Variants in POMZP3 observed in about 807,000 individuals in gnomAD.
POMZP3 encodes the protein POM121 and ZP3 fusion.
Under a neutral mutation model 19.8 loss-of-function variants are expected in POMZP3, and 10 were observed. The ratio of observed to expected loss-of-function variants is 0.51; its 90% confidence interval spans 0.31 to 0.86. The LOEUF is 0.86. Ranked by LOEUF, POMZP3 falls within the 40% of genes least tolerant of loss-of-function variation. The pLI, the probability that POMZP3 is intolerant of heterozygous loss-of-function variation, is 0.04. For missense variants in POMZP3, 152 were observed against 228.1 expected (o/e 0.67, Z 2.15); for synonymous variants, 57 against 85.8 (o/e 0.66, Z 1.85).
intron 3 of POMZP3, among the ~76,000 whole-genome samples, chr7:76,622,061 T>C (rs1208857209): frequency 1.5e-4 from 21 of 144,088 alleles, no homozygotes; most frequent in African/African-American, 5.4e-4. Context: ...ACTGCTACAC[T>C]CCCACCAGCT....
At chr7:76,622,909 T>C (rs2116877108) in intron 3 of POMZP3, among the ~76,000 whole-genome samples, 1 of 152,034 alleles carries the variant, frequency 6.6e-6, no homozygotes, top group Middle Eastern at 3.4e-3. Context: ...TCTTGCTCTG[T>C]TGCCCTGGCG....
In POMZP3 at chr7:76,610,175, G is replaced by A. The variant is rs1815020320; in HGVS notation, c.*52C>T. On this transcript the variant is annotated 3_prime_UTR_variant, in exon 7 of 7. Transcript: ENST00000310842. ...CTTCATGGTCACCCCTCCTGTCCAGGAAGATCAGTGGCCCCACGGTGACAT... is the reference window on the plus strand; with the variant it reads ...CTTCATGGTCACCCCTCCTGTCCAGAAAGATCAGTGGCCCCACGGTGACAT... The A allele has an allele frequency of 6.4e-7, 1 of 1,559,054 alleles. No homozygotes were observed. The highest frequency in any genetic ancestry group is 8.7e-7 in the Non-Finnish European group (1 of 1,154,932).
chr7:76,623,980 G>T (rs1172713649), intron 3 of POMZP3, among the ~76,000 whole-genome samples: 2 of 144,628 alleles, frequency 1.4e-5, no homozygotes, highest in Non-Finnish European at 3.0e-5. Context: ...TGGGAAGAAG[G>T]CCAGTAAGTA....
chr7:76,625,721 T>A (rs1427542377), intron 2 of POMZP3, 38 bp from the exon 3 acceptor site: 2 of 1,603,020 alleles, frequency 1.2e-6, no homozygotes. Context: ...TAAGATATTT[T>A]AATTCCCATG....
chr7:76,614,884 A>C (rs1309241409), intron 4 of POMZP3, among the ~76,000 whole-genome samples: 1 of 98,962 alleles, frequency 1.0e-5, no homozygotes, highest in Non-Finnish European at 2.1e-5. Context: ...AAAAGTACAC[A>C]GGGTCTTGCT....
rs563636420 is a variant in POMZP3, at chr7:76,619,202, AC to A, written c.228-903del. On this transcript the variant is annotated intron_variant, in intron 3 of 6. Transcript: ENST00000310842. ...TCACATAAGGTCGGGAGTTTGGCCA[AC>A]ATGGGGAAACCCCGTCTCCACTAAA... Among the ~76,000 whole-genome samples the A allele has an allele frequency of 1.3e-3, 192 of 152,266 alleles. 1 individual carries two copies. The highest frequency in any genetic ancestry group is 4.3e-3 in the African/African-American group (177 of 41,576).
At position 76,611,099 on chromosome 7, in the gene POMZP3, C is replaced by T. The variant is rs929946912; in HGVS notation, c.*11+355G>A. Among the ~76,000 whole-genome samples the T allele has an allele frequency of 4.2e-5, 6 of 143,338 alleles. No homozygotes were observed. In the East Asian group the frequency reaches 1.2e-3, roughly 29 times the overall value. The allele number at this position is 143,338 out of a possible 152,430, so 94.0% of individuals were successfully genotyped here. ...ATGTTGGTCAGGCTGGTCTCGAACTCCTGACCTCAGGTGACCTGCCCGCCT... is the reference window on the plus strand; with the variant it reads ...ATGTTGGTCAGGCTGGTCTCGAACTTCTGACCTCAGGTGACCTGCCCGCCT... On this transcript the variant is annotated intron_variant, in intron 6 of 6. Coordinates refer to ENST00000310842, the MANE Select transcript of POMZP3 (RefSeq NM_012230.5).
chr7:76,619,686 G>T (rs1377014120), intron 3 of POMZP3, among the ~76,000 whole-genome samples: 2 of 142,886 alleles, frequency 1.4e-5, no homozygotes, highest in African/African-American at 5.4e-5. Context: ...GAATGACGTG[G>T]CCCAAGAAAG....
At chr7:76,610,242 G>C (rs771741741) in intron 6 of POMZP3, 27 bp from the exon 7 acceptor site, 2 of 1,613,842 alleles carry the variant, frequency 1.2e-6, no homozygotes, top group Non-Finnish European at 1.7e-6. Context: ...CACAACCAAG[G>C]GTCATCTTAG....
chr7:76,625,545 A>C lies in POMZP3; in HGVS notation c.204T>G (p.Leu68=), dbSNP rs746291911. The change falls in exon 3 of 7, where the codon CTT becomes CTG. Residue 68 remains leucine, a synonymous_variant. Transcript: ENST00000310842. ...ACCTTCTTTTATTTTCCTGGCCATCAAGGAATATTTGGTCTTCTTCCTCCA... is the reference window on the plus strand; with the variant it reads ...ACCTTCTTTTATTTTCCTGGCCATCCAGGAATATTTGGTCTTCTTCCTCCA... ...RTVEEEDQIF[L]DGQENKRSCL... The C allele has an allele frequency of 1.9e-6, 3 of 1,613,358 alleles. No individual in the cohort carries two copies. The Admixed American group carries it at 5.0e-5, about 27-fold the overall frequency.
Position 76,624,094 on chromosome 7 carries a change from GAGGAA to G in POMZP3, c.227+1423_227+1427del, listed in dbSNP as rs1417459645. 4.8e-4 allele frequency among the ~76,000 whole-genome samples: 53 copies of G among 110,272 alleles called. 1 individual carries two copies. The highest frequency in any genetic ancestry group is 1.8e-3 in the African/African-American group (50 of 27,060). The allele number at this position is 110,272 out of a possible 152,430, so 72.3% of individuals were successfully genotyped here. ...GAGAGAGGACTTTGGTCAAAATCAA[GAGGAA>G]AGGAAAGTAAATTTCTGTCCTAAAG... On this transcript the variant is annotated intron_variant, in intron 3 of 6. Transcript: ENST00000310842.
chr7:76,624,476 C>G (rs1006145820), intron 3 of POMZP3, among the ~76,000 whole-genome samples: 9 of 150,226 alleles, frequency 6.0e-5, no homozygotes, highest in African/African-American at 2.0e-4. Context: ...CAGACAGTCT[C>G]GCTCTGTCAC....
In POMZP3 at chr7:76,626,798, G is replaced by A. The variant is rs1347997999; in HGVS notation, c.-242C>T. On this transcript the variant is annotated 5_prime_UTR_variant, in exon 1 of 7. Coordinates refer to ENST00000310842, the MANE Select transcript of POMZP3 (RefSeq NM_012230.5). ...GCGATGGGTCGGCGGGGAGGGCGGTGTGGAGCGCGGCGCCGGGCGGGCGGG... is the reference window on the plus strand; with the variant it reads ...GCGATGGGTCGGCGGGGAGGGCGGTATGGAGCGCGGCGCCGGGCGGGCGGG... The A allele has an allele frequency of 4.3e-5, 60 of 1,384,534 alleles. No individual in the cohort carries two copies. The highest frequency in any genetic ancestry group is 5.4e-5 in the Non-Finnish European group (58 of 1,079,878). The allele number at this position is 1,384,534 out of a possible 1,614,324, so 85.8% of individuals were successfully genotyped here. A position where few individuals can be genotyped will look rare whatever the true frequency, so the allele number is the denominator to read the frequency against.
intron 4 of POMZP3, among the ~76,000 whole-genome samples, chr7:76,616,244 T>C (rs1170087932): frequency 7.7e-6 from 1 of 129,870 alleles, no homozygotes; most frequent in Non-Finnish European, 1.6e-5. Flanking sequence ...GACCGCACCA[T>C]TGCATTCCAG....
In POMZP3 at chr7:76,626,335, C is replaced by T. The variant is rs142079449; in HGVS notation, c.-151-120G>A. 2.1e-3 allele frequency: 2,085 copies of T among 1,010,370 alleles called. 33 individuals carry two copies. In the African/African-American group the frequency reaches 0.029, roughly 14 times the overall value. The allele number at this position is 1,010,370 out of a possible 1,614,324, so 62.6% of individuals were successfully genotyped here. ...AGAACTTAAGTCTCTTTCTACGCAA[C>T]ACAGAACACGTTGTTTTTATGGCAA... On this transcript the variant is annotated intron_variant, in intron 1 of 6. Transcript: ENST00000310842.
intron 4 of POMZP3, chr7:76,615,774 C>T (rs1219873603): frequency 1.2e-5 from 1 of 84,340 alleles, no homozygotes; most frequent in African/African-American, 7.0e-5. Flanking sequence ...CGTTTGAGGT[C>T]GGGTATTCAA....
At chr7:76,610,343 T>C in intron 6 of POMZP3, 128 bp from the exon 7 acceptor site, 2 of 1,211,822 alleles carry the variant, frequency 1.7e-6, no homozygotes, top group African/African-American at 3.0e-5. Context: ...ATAAACAGTT[T>C]CTAGACAAAA....
chr7:76,626,045 G>A lies in POMZP3; in HGVS notation c.20C>T (p.Thr7Ile), dbSNP rs751182229. MVCSPV[T>I]LRIAPPDRRF... ...TCTGTCAGGAGGGGCGATCCTCAGA[G>A]TCACTGGGCTACACACCATCCTGGA... The change falls in exon 2 of 7, where the codon ACT becomes ATT. Residue 7 changes from threonine (T) to isoleucine (I), a missense_variant. Thr to Ile is a moderately conservative substitution (Grantham distance 89). Around this residue, in one of 4 missense-constraint regions of POMZP3, gnomAD observed 70 missense variants for 64.1 expected, o/e 1.09. Coordinates refer to ENST00000310842, the MANE Select transcript of POMZP3 (RefSeq NM_012230.5). The A allele has an allele frequency of 1.2e-6, 2 of 1,613,772 alleles. No homozygotes were observed. The highest frequency in any genetic ancestry group is 1.7e-6 in the Non-Finnish European group (2 of 1,179,694).
In POMZP3 at chr7:76,611,481, G is replaced by A. The variant is rs115806492; in HGVS notation, c.548C>T (p.Thr183Met). 1.0e-5 allele frequency: 16 copies of A among 1,602,508 alleles called. No individual in the cohort carries two copies. The highest frequency in any genetic ancestry group is 4.5e-5 in the East Asian group (2 of 44,856). ...TGCCTGCGGTTACAGGGAAGCAGAC[G>A]TGGACCACTGGCTCACGACACGAGG... ...RQPRVVSQWS[T>M]SASL The change falls in exon 6 of 7, where the codon ACG (threonine) becomes ATG (methionine). Residue 183 changes from threonine (T) to methionine (M), a missense_variant. Thr to Met is a moderately conservative substitution (Grantham distance 81). Transcript: ENST00000310842.
Sources: gnomAD v4.1 joint callset for allele counts (sites outside exome capture counted in the v4.1 genomes callset) on GRCh38, gnomAD v4.1.1 for gene constraint, gnomAD v4.1.1 regional missense constraint, MANE v1.5 for transcripts, NCBI Gene and HGNC (gene_info 2026-07-23, HGNC 2026-07-21) for gene names.